CYTH4: variants seen among roughly 807,000 people sequenced by gnomAD.
The protein encoded by CYTH4 is cytohesin 4, also known as cytohesin-4.
In CYTH4, 22 loss-of-function variants were observed where a neutral mutation model predicts 57.5. The ratio of observed to expected loss-of-function variants is 0.38; its 90% confidence interval spans 0.27 to 0.55. The LOEUF (loss-of-function observed/expected upper bound fraction) is 0.55. Ranked by LOEUF, CYTH4 falls within the 20% of genes least tolerant of loss-of-function variation. The probability of loss-of-function intolerance (pLI) is 0.74; values close to 1 mark genes in which losing one functional copy is unlikely to be tolerated. For missense variants in CYTH4, 420 were observed against 535.6 expected, an observed-to-expected ratio of 0.78 and a Z score of 2.13; for synonymous variants, 186 against 206.5, an observed-to-expected ratio of 0.90 and a Z score of 0.85.
At chr22:37,301,190 A>G (rs1160152544) in intron 7 of CYTH4, among the ~76,000 whole-genome samples, 171 bp downstream of exon 7, 1 of 152,208 alleles carries the variant, frequency 6.6e-6, no homozygotes. Context: ...CTTGTCTGAC[A>G]GAGCTGCCTT....
At position 37,314,663 on chromosome 22, in the gene CYTH4, G is replaced by A. The variant is rs376093511; in HGVS notation, c.*1152G>A. On this transcript the variant is annotated 3_prime_UTR_variant, in exon 13 of 13. Transcript: ENST00000248901. The stretch of plus-strand genomic sequence containing the variant: ...AGAGTAGAGCTGACTTCCAGTACCC[G>A]GGCAGCCAGCTCTGTCTCCAGGGAG... 3.5e-5 allele frequency: 13 copies of A among 370,200 alleles called. No homozygotes were observed. The highest frequency in any genetic ancestry group is 4.6e-5 in the Admixed American group (1 of 21,768). 22.9% of individuals were successfully genotyped at this position (370,200 alleles called of 1,614,324 possible).
chr22:37,302,789 G>T (rs571892690), intron 7 of CYTH4, among the ~76,000 whole-genome samples: 6 of 152,286 alleles, frequency 3.9e-5, no homozygotes, highest in African/African-American at 1.4e-4. Flanking sequence ...TGGGAGAGGC[G>T]CTGGGGCTCA....
Position 37,311,185 on chromosome 22 carries a change from C to A in CYTH4, c.885+121C>A. 1 of 1,151,036 alleles carries A rather than the reference C, an allele frequency of 8.7e-7. No homozygotes were observed. Among genetic ancestry groups the A allele is most frequent in the Non-Finnish European group, 1.3e-6 (1 of 779,978 alleles). The allele number at this position is 1,151,036 out of a possible 1,614,324, so 71.3% of individuals were successfully genotyped here. Reference sequence around the variant, plus strand: ...GATCCTTTGAGATCATTCAGTCCCCCTCCATGCCCATTTTACAGATGGGGA... The same window carrying A: ...GATCCTTTGAGATCATTCAGTCCCCATCCATGCCCATTTTACAGATGGGGA... On this transcript the variant is annotated intron_variant, in intron 10 of 12. Coordinates refer to ENST00000248901, the MANE Select transcript of CYTH4 (RefSeq NM_013385.5). This position sits in a 1 kb window ranked among gnomAD's most constrained non-coding sequence, Gnocchi z 4.4.
rs1365369450 is a variant in CYTH4, at chr22:37,303,315, C to T, written c.609C>T (p.Asn203=). Residue 203 remains asparagine, a synonymous_variant, in exon 8 of 13, where the codon AAC becomes AAT. Coordinates refer to ENST00000248901, the MANE Select transcript of CYTH4 (RefSeq NM_013385.5). Reference sequence around the variant, plus strand: ...TCAACACCAGCCTCCACAATCCCAACGTCCGGGACAGGCCGCCTTTTGAGC... The same window carrying T: ...TCAACACCAGCCTCCACAATCCCAATGTCCGGGACAGGCCGCCTTTTGAGC... ...IMLNTSLHNP[N]VRDRPPFERF... 5 of 1,614,202 alleles carry T rather than the reference C, an allele frequency of 3.1e-6. No homozygotes were observed. Among genetic ancestry groups the T allele is most frequent in the Admixed American group, 1.7e-5 (1 of 60,004 alleles).
At chr22:37,289,490 G>A (rs1337841192) in intron 1 of CYTH4, among the ~76,000 whole-genome samples, 2 of 152,204 alleles carry the variant, frequency 1.3e-5, no homozygotes, top group Admixed American at 1.3e-4. Context: ...TCTGCAACCA[G>A]CCTTGGGCAT....
chr22:37,283,354 G>A (rs1171416881), intron 1 of CYTH4, among the ~76,000 whole-genome samples: 5 of 152,288 alleles, frequency 3.3e-5, no homozygotes, highest in Non-Finnish European at 7.4e-5. Context: ...CCCGGTAGAG[G>A]GGCCAAGTTT....
Position 37,311,332 on chromosome 22 carries a change from C to T in CYTH4, c.886-124C>T, listed in dbSNP as rs978897976. ...GCTTCTAACTTCCGTCCCCCTATGA[C>T]TGGACAGTCTCGGAAGATGAGCACG... On this transcript the variant is annotated intron_variant, in intron 10 of 12. Transcript: ENST00000248901. This position sits in a 1 kb window ranked among gnomAD's most constrained non-coding sequence, Gnocchi z 4.4. The T allele has an allele frequency of 6.8e-5, 61 of 890,790 alleles. No individual in the cohort carries two copies. Among genetic ancestry groups the T allele is most frequent in the Middle Eastern group, 2.2e-4 (1 of 4,568 alleles). 55.2% of individuals were successfully genotyped at this position (890,790 alleles called of 1,614,324 possible). A position where few individuals can be genotyped will look rare whatever the true frequency, so the allele number is the denominator to read the frequency against.
chr22:37,304,108 G>A (rs1929305107), intron 8 of CYTH4: 3 of 450,362 alleles, frequency 6.7e-6, no homozygotes, highest in Middle Eastern at 3.5e-4. Context: ...TGCTCTGGGG[G>A]CAGGGAAGGG....
intron 2 of CYTH4, among the ~76,000 whole-genome samples, chr22:37,294,244 T>C (rs1193617635): frequency 5.9e-4 from 2 of 3,416 alleles, no homozygotes; most frequent in African/African-American, 2.6e-3. Flanking sequence ...GTGGGCAGGG[T>C]GGAGGCGGGC....
At chr22:37,290,750 C>T (rs1009361043) in intron 1 of CYTH4, among the ~76,000 whole-genome samples, 1 of 152,196 alleles carries the variant, frequency 6.6e-6, no homozygotes, top group Non-Finnish European at 1.5e-5. Flanking sequence ...CCTCGTGACC[C>T]GCCCGCCTCG....
At chr22:37,309,130 G>A (rs1439777852) in intron 8 of CYTH4, 82 bp from the exon 9 acceptor site, 8 of 1,244,852 alleles carry the variant, frequency 6.4e-6, no homozygotes, top group Middle Eastern at 1.9e-4. Context: ...ACCTGCTCAA[G>A]GCCACACAGG....
chr22:37,300,505 T>C (rs765417150), intron 6 of CYTH4, among the ~76,000 whole-genome samples: 1 of 152,060 alleles, frequency 6.6e-6, no homozygotes. Flanking sequence ...AAGGGAGCCC[T>C]AGCAAGGCAA....
Position 37,297,720 on chromosome 22 carries a change from A to C in CYTH4, c.353+38A>C, listed in dbSNP as rs79459672. On this transcript the variant is annotated intron_variant, in intron 5 of 12. Transcript: ENST00000248901. ...GGAGCCTTAGCGAGGCAGGAAATGAAGGTGTGCAGGTGTGTACAGGTGTGT... is the reference window on the plus strand; with the variant it reads ...GGAGCCTTAGCGAGGCAGGAAATGACGGTGTGCAGGTGTGTACAGGTGTGT... 4.4e-3 allele frequency: 6,821 copies of C among 1,539,836 alleles called. 263 individuals carry two copies. The African/African-American group carries it at 0.083, about 19-fold the overall frequency.
chr22:37,297,558 C>A lies in CYTH4; in HGVS notation c.235-6C>A. The A allele has an allele frequency of 1.2e-6, 2 of 1,612,960 alleles. No individual in the cohort carries two copies. The highest frequency in any genetic ancestry group is 1.7e-6 in the Non-Finnish European group (2 of 1,179,218). ...GCTGCTCACGGCTTCTGTGTACCCCCTCCAGGGTATCCAGTATTTCATTGA... is the reference window on the plus strand; with the variant it reads ...GCTGCTCACGGCTTCTGTGTACCCCATCCAGGGTATCCAGTATTTCATTGA... On this transcript the variant is annotated splice_polypyrimidine_tract_variant and splice_region_variant and intron_variant, in intron 4 of 12. Transcript: ENST00000248901.
At chr22:37,299,153 C>G in intron 5 of CYTH4, 73 bp from the exon 6 acceptor site, 3 of 1,163,380 alleles carry the variant, frequency 2.6e-6, no homozygotes, top group Non-Finnish European at 3.8e-6. Context: ...TCCCCCACCT[C>G]AACCCCCTCC....
chr22:37,283,658 G>C (rs1928445502), intron 1 of CYTH4, among the ~76,000 whole-genome samples: 1 of 152,102 alleles, frequency 6.6e-6, no homozygotes, highest in Non-Finnish European at 1.5e-5. Flanking sequence ...GAGAAAAGAG[G>C]CCAAGGGAGG....
At chr22:37,308,427 C>T (rs989239964) in intron 8 of CYTH4, among the ~76,000 whole-genome samples, 7 of 151,286 alleles carry the variant, frequency 4.6e-5, no homozygotes, top group East Asian at 2.0e-4. Context: ...TGTATATGCA[C>T]GCAAGCGTGC....
At chr22:37,313,360 C>T in intron 12 of CYTH4, 79 bp from the exon 13 acceptor site, 3 of 1,398,730 alleles carry the variant, frequency 2.1e-6, no homozygotes, top group South Asian at 2.3e-5. Flanking sequence ...GAATCCCATG[C>T]CCCTGATACA....
At chr22:37,294,392 C>A (rs1247744013) in intron 2 of CYTH4, among the ~76,000 whole-genome samples, 1 of 151,906 alleles carries the variant, frequency 6.6e-6, no homozygotes, top group Non-Finnish European at 1.5e-5. Flanking sequence ...GGGATGGGGG[C>A]TTGGGGAATC....
Sources: gnomAD v4.1 joint callset for allele counts (sites outside exome capture counted in the v4.1 genomes callset) on GRCh38, gnomAD v4.1.1 for gene constraint, Gnocchi (gnomAD v3.1) non-coding constraint, MANE v1.5 for transcripts, NCBI Gene and HGNC (gene_info 2026-07-23, HGNC 2026-07-21) for gene names.